ABLIM1: variants seen among roughly 807,000 people sequenced by gnomAD.
The protein encoded by ABLIM1 is actin-binding LIM protein 1.
Under a neutral mutation model 107.0 loss-of-function variants are expected in ABLIM1, and 40 were observed. The ratio of observed to expected loss-of-function variants is 0.37; its 90% CI spans 0.29 to 0.49. ABLIM1 has a LOEUF of 0.49. ABLIM1 is among the 20% of genes least tolerant of loss of function. The pLI, the probability that ABLIM1 is intolerant of heterozygous loss-of-function variation, is 0.97. For synonymous variants in ABLIM1, 357 were observed against 357.3 expected (o/e 1.00, Z 0.01); for missense variants, 857 against 1,008.5 (o/e 0.85, Z 2.04).
chr10:114,624,577 AG>A (rs2077670575), intron 1 of ABLIM1, among the ~76,000 whole-genome samples: 1 of 152,218 alleles, frequency 6.6e-6, no homozygotes, highest in African/African-American at 2.4e-5. Flanking sequence ...CCTCCATTTC[AG>A]ATGCCCACTG....
chr10:114,472,728 C>T (rs573813901), intron 10 of ABLIM1, among the ~76,000 whole-genome samples: 1 of 152,006 alleles, frequency 6.6e-6, no homozygotes, highest in East Asian at 1.9e-4. Flanking sequence ...TCCCCACCTC[C>T]CGACAGCTTC....
At chr10:114,469,317 ATCGCCAATCTCACTATCATTCACC>A (rs1437665355) in intron 10 of ABLIM1, among the ~76,000 whole-genome samples, 6 of 152,314 alleles carry the variant, frequency 3.9e-5, no homozygotes, top group Middle Eastern at 3.4e-3. Flanking sequence ...CCTTGGCTGC[ATCGCCAATCTCACTATCATTCACC>A]TCGCCAATCT....
At chr10:114,524,980 T>TTCCCCC (rs1410923141) in intron 6 of ABLIM1, among the ~76,000 whole-genome samples, 5 of 152,224 alleles carry the variant, frequency 3.3e-5, no homozygotes, top group African/African-American at 1.2e-4. Context: ...TCATAGACCC[T>TTCCCCC]TCCCCCTCGT....
intron 1 of ABLIM1, among the ~76,000 whole-genome samples, chr10:114,607,069 T>G (rs959945928): frequency 1.3e-5 from 2 of 152,162 alleles, no homozygotes; most frequent in Non-Finnish European, 2.9e-5. Flanking sequence ...CCTTGCACCC[T>G]TTTTTATTTT....
At position 114,465,845 on chromosome 10, in the gene ABLIM1, C is replaced by T; in HGVS notation, c.1312-18G>A. 2 of 1,613,804 alleles carry T rather than the reference C, an allele frequency of 1.2e-6. No individual in the cohort carries two copies. Among genetic ancestry groups the T allele is most frequent in the Non-Finnish European group, 1.7e-6 (2 of 1,179,800 alleles). ...TGGTACCCCTGGAAACAAAGTTCAA[C>T]ACATTCAGGCTATCACCATGCCTCA... On this transcript the variant is annotated intron_variant, in intron 11 of 22. Transcript: ENST00000533213.
At chr10:114,668,385 T>A (rs2080111900) in intron 1 of ABLIM1, among the ~76,000 whole-genome samples, 1 of 152,166 alleles carries the variant, frequency 6.6e-6, no homozygotes, top group African/African-American at 2.4e-5. Flanking sequence ...TGGGTTCATA[T>A]TCCCAGCCAA....
chr10:114,521,435 C>T (rs1302180603), intron 6 of ABLIM1, among the ~76,000 whole-genome samples: 1 of 152,172 alleles, frequency 6.6e-6, no homozygotes, highest in Admixed American at 6.5e-5. Context: ...CAACCATAAC[C>T]ACCTTTATTA....
At chr10:114,533,811 G>T (rs571432504) in intron 6 of ABLIM1, among the ~76,000 whole-genome samples, 1 of 152,148 alleles carries the variant, frequency 6.6e-6, no homozygotes, top group African/African-American at 2.4e-5. Context: ...CAAATAGCTG[G>T]GACTATAGAC....
At chr10:114,581,484 G>A (rs2073368181) in intron 2 of ABLIM1, among the ~76,000 whole-genome samples, 1 of 152,172 alleles carries the variant, frequency 6.6e-6, no homozygotes, top group African/African-American at 2.4e-5. Flanking sequence ...GGGGCAAAAT[G>A]TCAAAGACAT....
intron 6 of ABLIM1, among the ~76,000 whole-genome samples, chr10:114,533,841 T>C (rs1161073741): frequency 6.6e-6 from 1 of 152,146 alleles, no homozygotes; most frequent in Non-Finnish European, 1.5e-5. Context: ...CACATCCAGC[T>C]AAGTTTTTAA....
intron 1 of ABLIM1, among the ~76,000 whole-genome samples, chr10:114,675,688 T>A (rs2080450638): frequency 6.6e-6 from 1 of 152,238 alleles, no homozygotes; most frequent in South Asian, 2.1e-4. Flanking sequence ...TAAGATGTAC[T>A]AGTTTTCTGG....
chr10:114,542,763 T>G (rs986190785), intron 6 of ABLIM1, among the ~76,000 whole-genome samples: 3 of 152,118 alleles, frequency 2.0e-5, no homozygotes, highest in Non-Finnish European at 2.9e-5. Context: ...AAGAGCTCTC[T>G]GGGGAGGGAT....
intron 1 of ABLIM1, among the ~76,000 whole-genome samples, chr10:114,676,070 C>T (rs534112602): frequency 1.8e-4 from 28 of 152,286 alleles, no homozygotes; most frequent in Non-Finnish European, 3.7e-4. Context: ...AGGACTTCAG[C>T]GTCCTTTGTG....
At chr10:114,673,988 A>G (rs1226819069) in intron 1 of ABLIM1, among the ~76,000 whole-genome samples, 5 of 152,174 alleles carry the variant, frequency 3.3e-5, no homozygotes, top group Non-Finnish European at 7.3e-5. Flanking sequence ...AGCAAAATAG[A>G]GTTTAAGAGG....
chr10:114,751,295 TAAATA>T (rs1272773546), intron 1 of ABLIM1, among the ~76,000 whole-genome samples: 1 of 152,056 alleles, frequency 6.6e-6, no homozygotes, highest in African/African-American at 2.4e-5. Context: ...GAAAAATAAA[TAAATA>T]AAAGATATAA....
chr10:114,649,643 C>T (rs568768354), intron 1 of ABLIM1, among the ~76,000 whole-genome samples: 241 of 152,128 alleles, frequency 1.6e-3, no homozygotes, highest in African/African-American at 5.2e-3. Context: ...TACCTCTACA[C>T]GCCCTAACAA....
At chr10:114,690,784 T>C in intron 1 of ABLIM1, 1 of 271,144 alleles carries the variant, frequency 3.7e-6, no homozygotes, top group Non-Finnish European at 7.0e-6. Context: ...CAGGTTCAAG[T>C]GATTCTCCCA....
At chr10:114,550,388 A>G (rs998631516) in intron 4 of ABLIM1, among the ~76,000 whole-genome samples, 1 of 8,798 alleles carries the variant, frequency 1.1e-4, no homozygotes, top group Non-Finnish European at 2.0e-4. Flanking sequence ...GTTTTTTTTA[A>G]AAAAAAGACT....
chr10:114,521,082 T>C (rs2063661882), intron 6 of ABLIM1, among the ~76,000 whole-genome samples: 1 of 152,182 alleles, frequency 6.6e-6, no homozygotes. Flanking sequence ...ATAAATAGTA[T>C]AAATAATATG....
Sources: allele counts gnomAD v4.1 joint callset (sites outside exome capture counted in the v4.1 genomes callset), GRCh38; gene constraint gnomAD v4.1.1; transcripts MANE v1.5; gene names NCBI Gene and HGNC (gene_info 2026-07-23, HGNC 2026-07-21).